The following MFSD6 variants were observed in gnomAD, a reference collection of about 807,000 sequenced individuals.
MFSD6 encodes major facilitator superfamily domain-containing protein 6.
Under a neutral mutation model 56.3 loss-of-function variants are expected in MFSD6, and 26 were observed. That is an observed-to-expected ratio of 0.46 (90% confidence interval 0.34 to 0.64). MFSD6 has a LOEUF of 0.64. Ranked by LOEUF, MFSD6 falls within the 30% of genes least tolerant of loss-of-function variation. The pLI, the probability that MFSD6 is intolerant of heterozygous loss-of-function variation, is 0.01. For missense variants in MFSD6, 750 were observed against 986.2 expected (o/e 0.76, Z 3.21); for synonymous variants, 331 against 366.9 (o/e 0.90, Z 1.12).
rs1461215013 is a variant in MFSD6, at chr2:190,433,940, C to G, written c.-53-2037C>G. ...GTGCAGTGGTTCACGCCTGTAATCC[C>G]AGCACTTTGGGAGGCTGAGGCAAGA... On this transcript the variant is annotated intron_variant, in intron 2 of 7. Transcript: ENST00000392328. This position sits in a 1 kb window ranked among gnomAD's most constrained non-coding sequence, Gnocchi z 4.5. Among the ~76,000 whole-genome samples the G allele has an allele frequency of 6.6e-6, 1 of 152,002 alleles. No individual in the cohort carries two copies. Among genetic ancestry groups the G allele is most frequent in the Non-Finnish European group, 1.5e-5 (1 of 67,992 alleles).
intron 4 of MFSD6, chr2:190,477,405 A>G: frequency 1.1e-6 from 1 of 942,840 alleles, no homozygotes; most frequent in Non-Finnish European, 1.3e-6. Context: ...AGAAATGACT[A>G]TATATTATAA....
Position 190,423,910 on chromosome 2 carries a change from T to C in MFSD6, c.-54+8497T>C, listed in dbSNP as rs1364498984. On this transcript the variant is annotated intron_variant, in intron 2 of 7. Coordinates refer to ENST00000392328, the MANE Select transcript of MFSD6 (RefSeq NM_017694.4). This position sits in a 1 kb window ranked among gnomAD's most constrained non-coding sequence, Gnocchi z 4.3. ...TTAATGATGTTGAACATCTTTTCAT[T>C]TGTATCTATGCATTTATATATCCTG... 6.6e-6 allele frequency among the ~76,000 whole-genome samples: 1 copy of C among 152,210 alleles called. No homozygotes were observed. Among genetic ancestry groups the C allele is most frequent in the Non-Finnish European group, 1.5e-5 (1 of 68,022 alleles).
At position 190,469,094 on chromosome 2, in the gene MFSD6, A is replaced by G. The variant is rs1687767358; in HGVS notation, c.1533-664A>G. ...CAGCGGTAATGGTGGGGGTGAGAGA[A>G]TGCAAGAGGTTGGTGTATATTTATT... On this transcript the variant is annotated intron_variant, in intron 3 of 7. Transcript: ENST00000392328. The surrounding 1 kb of genome is among the most constrained non-coding windows in gnomAD (Gnocchi z 5.3). Among the ~76,000 whole-genome samples the G allele has an allele frequency of 6.6e-6, 1 of 152,176 alleles. No homozygotes were observed. The highest frequency in any genetic ancestry group is 2.4e-5 in the African/African-American group (1 of 41,432).
Position 190,491,826 on chromosome 2 carries a change from A to G in MFSD6, c.1891+1960A>G, listed in dbSNP as rs922634126. Among the ~76,000 whole-genome samples the G allele has an allele frequency of 6.6e-6, 1 of 152,210 alleles. No individual in the cohort carries two copies. Among genetic ancestry groups the G allele is most frequent in the African/African-American group, 2.4e-5 (1 of 41,456 alleles). Reference sequence around the variant, plus strand: ...CAAGAAGAAATCTCTGACTTCCCTGAAAAAGAATTCAGAAGGTCCATTATT... The same window carrying G: ...CAAGAAGAAATCTCTGACTTCCCTGGAAAAGAATTCAGAAGGTCCATTATT... On this transcript the variant is annotated intron_variant, in intron 6 of 7. Transcript: ENST00000392328. This position sits in a 1 kb window ranked among gnomAD's most constrained non-coding sequence, Gnocchi z 4.2.
chr2:190,422,558 GT>G (rs1265722501), intron 2 of MFSD6, among the ~76,000 whole-genome samples: 3 of 152,148 alleles, frequency 2.0e-5, no homozygotes, highest in Admixed American at 6.5e-5. Context: ...TGATGATGTT[GT>G]TGAGATATCT....
At position 190,413,196 on chromosome 2, in the gene MFSD6, C is replaced by T. The variant is rs958401097; in HGVS notation, c.-175-2096C>T. 6.6e-6 allele frequency among the ~76,000 whole-genome samples: 1 copy of T among 151,960 alleles called. No individual in the cohort carries two copies. The highest frequency in any genetic ancestry group is 1.5e-5 in the Non-Finnish European group (1 of 68,026). ...TTATGATGTAAATCTAGCTGAGCCACGTGTTGATGATTATGTTGAAGAGAT... is the reference window on the plus strand; with the variant it reads ...TTATGATGTAAATCTAGCTGAGCCATGTGTTGATGATTATGTTGAAGAGAT... On this transcript the variant is annotated intron_variant, in intron 1 of 7. Transcript: ENST00000392328. This position sits in a 1 kb window ranked among gnomAD's most constrained non-coding sequence, Gnocchi z 4.1.
rs573213288 is a variant in MFSD6 at position 190,471,731 on chromosome 2, C to G, written c.1630+1876C>G. On this transcript the variant is annotated intron_variant, in intron 4 of 7. Transcript: ENST00000392328. This position sits in a 1 kb window ranked among gnomAD's most constrained non-coding sequence, Gnocchi z 4.7. ...AGACTTAAATGTCCCTGTCTGACAG[C>G]TTTGAAGACAGTAGTTCTCCCAGGA... is the stretch of plus-strand genomic sequence containing the variant. Among the ~76,000 whole-genome samples, 2 of 152,332 alleles carry G rather than the reference C, an allele frequency of 1.3e-5. No homozygotes were observed. The highest frequency in any genetic ancestry group is 4.8e-5 in the African/African-American group (2 of 41,562).
rs4324342 is a variant in MFSD6 at position 190,494,253 on chromosome 2, C to T, written c.1892-3186C>T. ...CTTTACATGCATAAACTGGAAAACG[C>T]AGAGGAGATAAATTCCTTGAAAGAC... On this transcript the variant is annotated intron_variant, in intron 6 of 7. Coordinates refer to ENST00000392328, the MANE Select transcript of MFSD6 (RefSeq NM_017694.4). This position sits in a 1 kb window ranked among gnomAD's most constrained non-coding sequence, Gnocchi z 5.7. Among the ~76,000 whole-genome samples, 1 of 151,782 alleles carries T rather than the reference C, an allele frequency of 6.6e-6. No individual in the cohort carries two copies. The highest frequency in any genetic ancestry group is 2.1e-4 in the South Asian group (1 of 4,824).
Position 190,458,695 on chromosome 2 carries a change from C to A in MFSD6, c.1533-11063C>A, listed in dbSNP as rs1344498618. On this transcript the variant is annotated intron_variant, in intron 3 of 7. Transcript: ENST00000392328. The surrounding 1 kb of genome is among the most constrained non-coding windows in gnomAD (Gnocchi z 5.3). The stretch of plus-strand genomic sequence containing the variant: ...CAAAGGCAGTGGAGGTCACTTGAGA[C>A]TCTTTCAGTGAAAGTGGCAAAAATC... Among the ~76,000 whole-genome samples the A allele has an allele frequency of 6.6e-6, 1 of 152,160 alleles. No individual in the cohort carries two copies. Among genetic ancestry groups the A allele is most frequent in the Non-Finnish European group, 1.5e-5 (1 of 68,040 alleles).
chr2:190,482,903 T>TTTTTTTTTTTTTTTTTTTTTTTTTG lies in MFSD6; in HGVS notation c.1631-5754_1631-5753insTTTTTTTTTTTTTTTTTTTTTTTTG, dbSNP rs544591315. Reference sequence around the variant, plus strand: ...TTTTTTTTTTTTTTTTTTTTTTTTTTAGACGGAGTCTCACTCTGTCGCCCA... The same window carrying TTTTTTTTTTTTTTTTTTTTTTTTTG: ...TTTTTTTTTTTTTTTTTTTTTTTTTTTTTTTTTTTTTTTTTTTTTTTTTTGAGACGGAGTCTCACTCTGTCGCCCA... On this transcript the variant is annotated intron_variant, in intron 4 of 7. Transcript: ENST00000392328. Among the ~76,000 whole-genome samples the TTTTTTTTTTTTTTTTTTTTTTTTTG allele has an allele frequency of 3.8e-4, 33 of 86,246 alleles. 12 individuals carry two copies. Among genetic ancestry groups the TTTTTTTTTTTTTTTTTTTTTTTTTG allele is most frequent in the East Asian group, 8.2e-4 (2 of 2,440 alleles). The allele number at this position is 86,246 out of a possible 152,430, so 56.6% of individuals were successfully genotyped here. A position where few individuals can be genotyped will look rare whatever the true frequency, so the allele number is the denominator to read the frequency against.
In MFSD6 at chr2:190,433,250, G is replaced by T. The variant is rs1686067978; in HGVS notation, c.-53-2727G>T. ...TTTATACATTTGAAACACAAGAAAT[G>T]TTTCTTTGAATTTTGAGCTCAGGAA... is the stretch of plus-strand genomic sequence containing the variant. On this transcript the variant is annotated intron_variant, in intron 2 of 7. Transcript: ENST00000392328. The surrounding 1 kb of genome is among the most constrained non-coding windows in gnomAD (Gnocchi z 4.5). The T allele has an allele frequency of 6.6e-6, 1 of 151,292 alleles. No homozygotes were observed. The highest frequency in any genetic ancestry group is 1.5e-5 in the Non-Finnish European group (1 of 67,452). The allele number at this position is 151,292 out of a possible 1,614,324, so 9.4% of individuals were successfully genotyped here.
At chr2:190,448,824 C>T (rs544651487) in intron 3 of MFSD6, among the ~76,000 whole-genome samples, 1 of 152,236 alleles carries the variant, frequency 6.6e-6, no homozygotes, top group South Asian at 2.1e-4. Flanking sequence ...ATTTTCCATT[C>T]TTGGTGCTAG....
chr2:190,453,892 T>C (rs1166565046), intron 3 of MFSD6, among the ~76,000 whole-genome samples: 1 of 152,198 alleles, frequency 6.6e-6, no homozygotes, highest in Non-Finnish European at 1.5e-5. Context: ...AATCAATTAT[T>C]ATCATACATG....
In MFSD6 at chr2:190,436,490, CTGCTA is replaced by C. The variant is rs761972855; in HGVS notation, c.462_466del (p.Ala155LeufsTer41). On this transcript the variant is annotated frameshift_variant, in exon 3 of 8. Coordinates refer to ENST00000392328, the MANE Select transcript of MFSD6 (RefSeq NM_017694.4). LOFTEE classifies it high-confidence loss of function. The surrounding 1 kb of genome is among the most constrained non-coding windows in gnomAD (Gnocchi z 5.3). Reference sequence around the variant, plus strand: ...AACCTGGGCATTGGATTTGTCAAACCTGCTACCTTGAGATGTGTACCAAAGATTCG... The same window carrying C: ...AACCTGGGCATTGGATTTGTCAAACCCCTTGAGATGTGTACCAAAGATTCG... The C allele has an allele frequency of 6.2e-7, 1 of 1,614,226 alleles. No individual in the cohort carries two copies. Among genetic ancestry groups the C allele is most frequent in the South Asian group, 1.1e-5 (1 of 91,080 alleles).
rs1278282557 is a variant in MFSD6 at position 190,499,823 on chromosome 2, C to T, written c.2173-192C>T. 3.9e-6 allele frequency: 6 copies of T among 1,538,638 alleles called. No individual in the cohort carries two copies. The highest frequency in any genetic ancestry group is 5.3e-6 in the Non-Finnish European group (6 of 1,139,586). On this transcript the variant is annotated intron_variant, in intron 7 of 7. Transcript: ENST00000392328. The surrounding 1 kb of genome is among the most constrained non-coding windows in gnomAD (Gnocchi z 6.0). ...TATAGTGTTTGTGTTTTTCATGCGGCTCTGGCAGTTGCACATAGGAAAGGA... is the reference window on the plus strand; with the variant it reads ...TATAGTGTTTGTGTTTTTCATGCGGTTCTGGCAGTTGCACATAGGAAAGGA...
upstream of MFSD6, among the ~76,000 whole-genome samples, chr2:190,407,909 T>C (rs752103156): frequency 2.0e-5 from 3 of 152,284 alleles, no homozygotes; most frequent in African/African-American, 7.2e-5. This position sits in a 1 kb window ranked among gnomAD's most constrained non-coding sequence, Gnocchi z 5.4. Context: ...TAGTACATTT[T>C]CCCCCACATT....
intron 3 of MFSD6, among the ~76,000 whole-genome samples, chr2:190,446,264 A>C (rs932320839): frequency 3.3e-5 from 5 of 152,136 alleles, no homozygotes; most frequent in African/African-American, 1.2e-4. Flanking sequence ...AGAGTTTGAG[A>C]TTATAAGAGT....
Position 190,431,564 on chromosome 2 carries a change from G to C in MFSD6, c.-53-4413G>C, listed in dbSNP as rs1464644152. Among the ~76,000 whole-genome samples the C allele has an allele frequency of 1.3e-5, 2 of 152,246 alleles. No individual in the cohort carries two copies. The highest frequency in any genetic ancestry group is 4.8e-5 in the African/African-American group (2 of 41,470). ...CCAAAAAAATACGAAAACCAGTCAGGTGTGGCGGCGCGCGCCTGCAATCGC... is the reference window on the plus strand; with the variant it reads ...CCAAAAAAATACGAAAACCAGTCAGCTGTGGCGGCGCGCGCCTGCAATCGC... On this transcript the variant is annotated intron_variant, in intron 2 of 7. Transcript: ENST00000392328. The surrounding 1 kb of genome is among the most constrained non-coding windows in gnomAD (Gnocchi z 4.4).
In MFSD6 at chr2:190,485,803, T is replaced by TA. The variant is rs11307721; in HGVS notation, c.1631-2840dup. Among the ~76,000 whole-genome samples, 893 of 144,404 alleles carry TA rather than the reference T, an allele frequency of 6.2e-3. 6 individuals are homozygous for TA. Among genetic ancestry groups the TA allele is most frequent in the African/African-American group, 0.018 (705 of 39,358 alleles). The allele number at this position is 144,404 out of a possible 152,430, so 94.7% of individuals were successfully genotyped here. ...TAATCATCTAGTCCATCTTACTAGT[T>TA]AAAAAAAAAAAAAACCTAGTTAAAA... On this transcript the variant is annotated intron_variant, in intron 4 of 7. Transcript: ENST00000392328. The surrounding 1 kb of genome is among the most constrained non-coding windows in gnomAD (Gnocchi z 5.1).
Sources: allele counts gnomAD v4.1 joint callset (sites outside exome capture counted in the v4.1 genomes callset), GRCh38; gene constraint gnomAD v4.1.1; non-coding constraint Gnocchi (gnomAD v3.1); transcripts MANE v1.5; gene names NCBI Gene and HGNC (gene_info 2026-07-23, HGNC 2026-07-21).